Variants in ZNF589 observed in about 807,000 individuals in gnomAD.
The protein encoded by ZNF589 is zinc finger protein 589.
Under a neutral mutation model 13.6 loss-of-function variants are expected in ZNF589, and 17 were observed. That is an observed-to-expected ratio of 1.25 (90% CI 0.86 to 1.88). ZNF589 has a LOEUF of 1.88. ZNF589 is among the 40% of genes most tolerant of loss of function. The pLI, the probability that ZNF589 is intolerant of heterozygous loss-of-function variation, is 0.00. For missense variants in ZNF589, 407 were observed against 434.0 expected, an observed-to-expected ratio of 0.94 and a Z score of 0.55; for synonymous variants, 148 against 161.6, an observed-to-expected ratio of 0.92 and a Z score of 0.64.
At chr3:48,265,617 T>C (rs905606996) in intron 3 of ZNF589, among the ~76,000 whole-genome samples, 1 of 152,054 alleles carries the variant, frequency 6.6e-6, no homozygotes, top group Non-Finnish European at 1.5e-5. Flanking sequence ...TGTAGACCCA[T>C]GGATTCATTC....
In ZNF589 at chr3:48,268,890, A is replaced by T; in HGVS notation, c.*104A>T. On this transcript the variant is annotated 3_prime_UTR_variant, in exon 4 of 4. Transcript: ENST00000354698. ...GAGTGTGGGCGAGGCTTTCGTGCTA[A>T]ATCAACTCTCCTCCTACACCAGTGG... 1.4e-6 allele frequency: 2 copies of T among 1,464,582 alleles called. No individual in the cohort carries two copies. Among genetic ancestry groups the T allele is most frequent in the South Asian group, 2.7e-5 (2 of 74,776 alleles). 90.7% of individuals were successfully genotyped at this position (1,464,582 alleles called of 1,614,324 possible). A position where few individuals can be genotyped will look rare whatever the true frequency, so the allele number is the denominator to read the frequency against.
chr3:48,248,105 T>G (rs748944845), intron 2 of ZNF589, among the ~76,000 whole-genome samples: 13 of 152,244 alleles, frequency 8.5e-5, no homozygotes, highest in Non-Finnish European at 1.9e-4. Context: ...TTAACTCTTC[T>G]GTATCCATCA....
intron 2 of ZNF589, chr3:48,256,854 G>A (rs1475381358): frequency 5.0e-6 from 6 of 1,211,176 alleles, no homozygotes; most frequent in Middle Eastern, 1.9e-4. Flanking sequence ...GCTGGAAGCT[G>A]AGACCAGCTG....
intron 3 of ZNF589, among the ~76,000 whole-genome samples, chr3:48,266,689 T>C (rs1575296252): frequency 6.6e-6 from 1 of 152,336 alleles, no homozygotes; most frequent in Non-Finnish European, 1.5e-5. Context: ...TTTCCCATGA[T>C]TAGATTCAGA....
chr3:48,250,718 C>T (rs574978073), intron 2 of ZNF589, among the ~76,000 whole-genome samples: 90 of 152,200 alleles, frequency 5.9e-4, no homozygotes, highest in Non-Finnish European at 1.2e-3. Flanking sequence ...GTGATCCGCC[C>T]TCCTCGGCCT....
Position 48,268,421 on chromosome 3 carries a change from A to G in ZNF589, c.730A>G (p.Lys244Glu). Residue 244 changes from lysine to glutamate, a missense_variant, in exon 4 of 4, where the codon AAA becomes GAA. Lys to Glu is a moderately conservative substitution (Grantham distance 56). Transcript: ENST00000354698. ...AGTCACAGCAGAAAAATCTTCAGAC[A>G]AAAGGCAGTCACAGGTGTGCAGGGA... ...KAVTAEKSSD[K>E]RQSQVCRECG... The G allele has an allele frequency of 1.2e-6, 2 of 1,614,224 alleles. No individual in the cohort carries two copies. The highest frequency in any genetic ancestry group is 2.2e-5 in the East Asian group (1 of 44,888).
At chr3:48,249,345 T>G (rs949989927) in intron 2 of ZNF589, among the ~76,000 whole-genome samples, 1 of 152,186 alleles carries the variant, frequency 6.6e-6, no homozygotes, top group Non-Finnish European at 1.5e-5. Flanking sequence ...TCAGGTGATC[T>G]GCCTGCCTCG....
chr3:48,256,384 A>G lies in ZNF589; in HGVS notation c.97-4429A>G, dbSNP rs1204953601. ...CTTCCAAGGTGTCCTTGAGTAGCAG[A>G]CATTGTCCCTCAGGAGGGTTGACCC... is the stretch of plus-strand genomic sequence containing the variant. On this transcript the variant is annotated intron_variant, in intron 2 of 3. Coordinates refer to ENST00000354698, the MANE Select transcript of ZNF589 (RefSeq NM_016089.3). The G allele has an allele frequency of 7.1e-6, 4 of 561,880 alleles. No homozygotes were observed. In the African/African-American group the frequency reaches 7.6e-5, roughly 11 times the overall value. 34.8% of individuals were successfully genotyped at this position (561,880 alleles called of 1,614,324 possible). A position where few individuals can be genotyped will look rare whatever the true frequency, so the allele number is the denominator to read the frequency against.
chr3:48,263,224 C>T (rs2033984707), intron 3 of ZNF589, among the ~76,000 whole-genome samples: 2 of 152,172 alleles, frequency 1.3e-5, no homozygotes, highest in African/African-American at 2.4e-5. Context: ...ATTCTCCTGC[C>T]TCAGCCTCCT....
At chr3:48,244,233 T>C (rs1400526292) in intron 1 of ZNF589, among the ~76,000 whole-genome samples, 1 of 152,212 alleles carries the variant, frequency 6.6e-6, no homozygotes, top group Non-Finnish European at 1.5e-5. Context: ...CTGAAAAGAC[T>C]GAGGAGCTGC....
In ZNF589 at chr3:48,268,817, AAC is replaced by A. The variant is rs1559984226; in HGVS notation, c.*38_*39del. 1.9e-6 allele frequency: 3 copies of A among 1,590,006 alleles called. No homozygotes were observed. In the South Asian group the frequency reaches 3.5e-5, roughly 18 times the overall value. ...AGGCTTTGTAAGGAGATCATGTCTC[AAC>A]ACACACCAGAGGATACATTCAGATG... On this transcript the variant is annotated 3_prime_UTR_variant, in exon 4 of 4. Transcript: ENST00000354698.
At chr3:48,254,133 G>A (rs555801772) in intron 2 of ZNF589, among the ~76,000 whole-genome samples, 17 of 151,702 alleles carry the variant, frequency 1.1e-4, no homozygotes, top group Non-Finnish European at 2.4e-4. Context: ...GCTCATGCCT[G>A]TAATCCCAGC....
chr3:48,242,973 T>A (rs981167754), intron 1 of ZNF589, among the ~76,000 whole-genome samples: 2 of 151,726 alleles, frequency 1.3e-5, no homozygotes, highest in African/African-American at 4.8e-5. Flanking sequence ...ACTCTGAGGC[T>A]GAGGCGCAAG....
rs1036720988 is a variant in ZNF589, at chr3:48,248,517, C to T, written c.96+840C>T. Among the ~76,000 whole-genome samples, 16 of 152,228 alleles carry T rather than the reference C, an allele frequency of 1.1e-4. No individual in the cohort carries two copies. In the East Asian group the frequency reaches 2.3e-3, roughly 22 times the overall value. ...ATGAAGAGCCTCATAGAGTTCACCC[C>T]CTTGTTCTGATGTTGCATATCCCTC... On this transcript the variant is annotated intron_variant, in intron 2 of 3. Transcript: ENST00000354698.
chr3:48,268,136 G>C lies in ZNF589; in HGVS notation c.445G>C (p.Gly149Arg). 2 of 1,614,132 alleles carry C rather than the reference G, an allele frequency of 1.2e-6. No individual in the cohort carries two copies. The highest frequency in any genetic ancestry group is 1.7e-6 in the Non-Finnish European group (2 of 1,180,000). ...GAEAEDQRVE[G>R]GVRPLFWSTN... ...TGAAGCAGAAGATCAACGAGTGGAA[G>C]GAGGCGTCAGACCCTTGTTTTGGAG... Residue 149 changes from glycine (G) to arginine (R), a missense_variant, in exon 4 of 4, where the codon GGA (glycine) becomes CGA (arginine). By Grantham distance (125) the Gly-to-Arg change is moderately radical. Transcript: ENST00000354698.
At chr3:48,245,024 A>G (rs1284916053) in intron 1 of ZNF589, among the ~76,000 whole-genome samples, 2 of 151,974 alleles carry the variant, frequency 1.3e-5, no homozygotes, top group Non-Finnish European at 2.9e-5. Flanking sequence ...CATGTTGGCC[A>G]GGCTGGTCTC....
Position 48,269,193 on chromosome 3 carries a change from C to A in ZNF589, c.*407C>A. On this transcript the variant is annotated 3_prime_UTR_variant, in exon 4 of 4. Coordinates refer to ENST00000354698, the MANE Select transcript of ZNF589 (RefSeq NM_016089.3). ...ATACACTCTGGGGAGAAGCCTTATG[C>A]ATGCACGGAGTGTGGGCAAGGCTTT... 2 of 1,125,918 alleles carry A rather than the reference C, an allele frequency of 1.8e-6. No homozygotes were observed. The highest frequency in any genetic ancestry group is 2.6e-6 in the Non-Finnish European group (2 of 781,982). The allele number at this position is 1,125,918 out of a possible 1,614,324, so 69.7% of individuals were successfully genotyped here.
intron 1 of ZNF589, among the ~76,000 whole-genome samples, chr3:48,242,020 C>T (rs1192148188): frequency 2.6e-5 from 4 of 152,100 alleles, no homozygotes; most frequent in Non-Finnish European, 5.9e-5. Context: ...CCATATTTGC[C>T]AGGCTGGTCT....
intron 2 of ZNF589, among the ~76,000 whole-genome samples, chr3:48,256,150 C>T (rs2033900822): frequency 6.6e-6 from 1 of 152,186 alleles, no homozygotes; most frequent in South Asian, 2.1e-4. Context: ...GCCCTGCCTG[C>T]CTCTAGCTCC....
Sources: allele counts gnomAD v4.1 joint callset (sites outside exome capture counted in the v4.1 genomes callset), GRCh38; gene constraint gnomAD v4.1.1; transcripts MANE v1.5; gene names NCBI Gene and HGNC (gene_info 2026-07-23, HGNC 2026-07-21).